CDH13: variants seen among roughly 807,000 people sequenced by gnomAD.
The protein encoded by CDH13 is cadherin 13.
A neutral mutation model predicts 63.8 loss-of-function variants in CDH13; 24 were observed. The ratio of observed to expected loss-of-function variants is 0.38; its 90% CI spans 0.27 to 0.53. The LOEUF (loss-of-function observed/expected upper bound fraction) is 0.53, where lower values mean the gene tolerates loss of function less well. Among genes scored for constraint, CDH13 ranks in the 20% least tolerant of loss-of-function variants. CDH13 has a pLI of 0.85. For synonymous variants in CDH13, 503 were observed against 355.3 expected, an observed-to-expected ratio of 1.42 and a Z score of -4.67; for missense variants, 1,049 against 903.1, an observed-to-expected ratio of 1.16 and a Z score of -2.07.
intron 6 of CDH13, among the ~76,000 whole-genome samples, chr16:83,407,193 G>A (rs770920181): frequency 4.6e-5 from 7 of 152,174 alleles, no homozygotes; most frequent in Non-Finnish European, 1.0e-4. Flanking sequence ...AGATGCAAGT[G>A]GACTCATTCA....
intron 4 of CDH13, among the ~76,000 whole-genome samples, chr16:83,146,598 T>C (rs995256535): frequency 4.6e-5 from 7 of 152,234 alleles, no homozygotes; most frequent in Non-Finnish European, 8.8e-5. Context: ...CCAGAAACTT[T>C]GAGCAGTTAT....
chr16:83,111,974 A>C (rs1358689324), intron 3 of CDH13, among the ~76,000 whole-genome samples: 1 of 152,226 alleles, frequency 6.6e-6, no homozygotes, highest in African/African-American at 2.4e-5. Context: ...TATTCCTTAA[A>C]TATCAATATG....
intron 2 of CDH13, among the ~76,000 whole-genome samples, chr16:82,922,537 C>T (rs1030613341): frequency 3.9e-5 from 6 of 152,178 alleles, no homozygotes; most frequent in Non-Finnish European, 7.3e-5. Flanking sequence ...TGCCCCTCTT[C>T]TTGTTGTATG....
At chr16:82,932,672 G>C (rs959665624) in intron 2 of CDH13, among the ~76,000 whole-genome samples, 2 of 152,176 alleles carry the variant, frequency 1.3e-5, no homozygotes, top group Non-Finnish European at 2.9e-5. Context: ...TAATCCCTTA[G>C]CATAGACCTT....
chr16:83,707,844 A>AAAAAAAAAAAAAAAC (rs1907356939), intron 10 of CDH13, among the ~76,000 whole-genome samples: 1 of 149,544 alleles, frequency 6.7e-6, no homozygotes, highest in Non-Finnish European at 1.5e-5. Flanking sequence ...GGCAAAAAAA[A>AAAAAAAAAAAAAAAC]AAAAAAAAAA....
chr16:83,145,537 G>T (rs891622148), intron 4 of CDH13, among the ~76,000 whole-genome samples: 1 of 152,166 alleles, frequency 6.6e-6, no homozygotes, highest in Non-Finnish European at 1.5e-5. Context: ...ACCAAGGACC[G>T]TGTCAACACA....
chr16:83,369,617 A>G (rs1046003216), intron 6 of CDH13, among the ~76,000 whole-genome samples: 5 of 152,040 alleles, frequency 3.3e-5, no homozygotes, highest in East Asian at 1.9e-4. Context: ...TACAGATGGA[A>G]TCTCACTGTG....
chr16:83,322,027 G>A (rs2090239632), intron 5 of CDH13, among the ~76,000 whole-genome samples: 1 of 152,220 alleles, frequency 6.6e-6, no homozygotes, highest in African/African-American at 2.4e-5. Context: ...ACTGGAGACA[G>A]CAGGGACTTC....
chr16:82,701,645 A>T (rs1174902358), intron 1 of CDH13, among the ~76,000 whole-genome samples: 1 of 151,846 alleles, frequency 6.6e-6, no homozygotes, highest in Non-Finnish European at 1.5e-5. Flanking sequence ...CACATGTCTC[A>T]TTGTGGTGAT....
At chr16:82,776,556 C>A (rs564447842) in intron 1 of CDH13, among the ~76,000 whole-genome samples, 2 of 152,290 alleles carry the variant, frequency 1.3e-5, no homozygotes, top group East Asian at 1.9e-4. Context: ...CAAATATGAA[C>A]CTTCTTTTCA....
At chr16:82,993,160 ATATCTGT>A (rs1474430620) in intron 2 of CDH13, among the ~76,000 whole-genome samples, 1 of 152,086 alleles carries the variant, frequency 6.6e-6, no homozygotes, top group African/African-American at 2.4e-5. Flanking sequence ...TCTGCCCTCG[ATATCTGT>A]TTCCTTCTGC....
rs558353971 is a variant in CDH13 at position 83,328,300 on chromosome 16, AG to A, written c.637-16561del. On this transcript the variant is annotated intron_variant, in intron 5 of 13. Coordinates refer to ENST00000567109, the MANE Select transcript of CDH13 (RefSeq NM_001257.5). ...CAGAATTTATGAGTGAGATTAAAAG[AG>A]AAGCTTCAGAGTGAAATAAAAATTA... 3.9e-5 allele frequency among the ~76,000 whole-genome samples: 6 copies of A among 152,300 alleles called. No individual in the cohort carries two copies. The East Asian group carries it at 9.6e-4, about 24-fold the overall frequency.
intron 5 of CDH13, among the ~76,000 whole-genome samples, chr16:83,318,508 A>G (rs1368825503): frequency 1.3e-5 from 2 of 152,220 alleles, no homozygotes; most frequent in South Asian, 2.1e-4. Context: ...AAGATCCCAC[A>G]TGAAACCTGA....
At chr16:83,537,614 C>G (rs2075219277) in intron 7 of CDH13, among the ~76,000 whole-genome samples, 1 of 150,556 alleles carries the variant, frequency 6.6e-6, no homozygotes, top group Admixed American at 6.6e-5. Context: ...TACCCTAAGA[C>G]AGAAGCTTCT....
chr16:83,389,079 C>T (rs1010721223), intron 6 of CDH13, among the ~76,000 whole-genome samples: 7 of 152,178 alleles, frequency 4.6e-5, no homozygotes, highest in African/African-American at 1.7e-4. Flanking sequence ...CCCAGTGATT[C>T]TAAGACAATG....
chr16:82,679,536 A>C (rs1389662974), intron 1 of CDH13, among the ~76,000 whole-genome samples: 1 of 152,256 alleles, frequency 6.6e-6, no homozygotes, highest in Non-Finnish European at 1.5e-5. Context: ...CCGAGGCAGA[A>C]GATAGTCCTC....
chr16:83,147,934 A>G (rs2036819817), intron 4 of CDH13, among the ~76,000 whole-genome samples: 1 of 151,964 alleles, frequency 6.6e-6, no homozygotes, highest in African/African-American at 2.4e-5. Flanking sequence ...TCACTGAGGC[A>G]TTACTGTTCT....
chr16:83,556,617 C>T (rs371819556), intron 7 of CDH13, among the ~76,000 whole-genome samples: 1 of 152,164 alleles, frequency 6.6e-6, no homozygotes, highest in Admixed American at 6.5e-5. Flanking sequence ...AGTTCATCAC[C>T]ACATTCTTCT....
chr16:83,540,607 G>A (rs2075280842), intron 7 of CDH13, among the ~76,000 whole-genome samples: 1 of 152,126 alleles, frequency 6.6e-6, no homozygotes, highest in Admixed American at 6.5e-5. Flanking sequence ...TTGTCCCTTT[G>A]TTCAGTCTCG....
Sources: allele counts gnomAD v4.1 joint callset (sites outside exome capture counted in the v4.1 genomes callset), GRCh38; gene constraint gnomAD v4.1.1; transcripts MANE v1.5; gene names NCBI Gene and HGNC (gene_info 2026-07-23, HGNC 2026-07-21).